ATP8A2: variants seen among roughly 807,000 people sequenced by gnomAD.
The protein encoded by ATP8A2 is phospholipid-transporting ATPase IB.
A neutral mutation model predicts 165.6 loss-of-function variants in ATP8A2; 100 were observed. The observed-to-expected ratio is 0.60, with a 90% CI of 0.51 to 0.71. ATP8A2 has a LOEUF of 0.71. Among genes scored for constraint, ATP8A2 ranks in the 30% least tolerant of loss-of-function variants. The pLI, the probability that ATP8A2 is intolerant of heterozygous loss-of-function variation, is 0.00. For synonymous variants in ATP8A2, 543 were observed against 548.8 expected (o/e 0.99, Z 0.15); for missense variants, 1,227 against 1,479.5 (o/e 0.83, Z 2.80).
intron 24 of ATP8A2, among the ~76,000 whole-genome samples, chr13:25,634,156 T>C (rs1011493706): frequency 6.6e-6 from 1 of 152,282 alleles, no homozygotes; most frequent in African/African-American, 2.4e-5. Flanking sequence ...TCAGTCAAGC[T>C]TGACACAGAC....
chr13:25,389,877 A>G (rs1306770055), intron 1 of ATP8A2, among the ~76,000 whole-genome samples: 1 of 152,272 alleles, frequency 6.6e-6, no homozygotes, highest in Non-Finnish European at 1.5e-5. Flanking sequence ...CTCACAAGGC[A>G]TAATTAATTG....
chr13:25,995,311 A>T (rs1265826931), intron 35 of ATP8A2, among the ~76,000 whole-genome samples: 1 of 150,808 alleles, frequency 6.6e-6, no homozygotes, highest in Non-Finnish European at 1.5e-5. Flanking sequence ...CTCTGTTTTT[A>T]ACCTATCAGT....
intron 10 of ATP8A2, among the ~76,000 whole-genome samples, chr13:25,546,138 A>C (rs1294988308): frequency 6.6e-6 from 1 of 152,186 alleles, no homozygotes; most frequent in African/African-American, 2.4e-5. Flanking sequence ...TTTGCTCTAG[A>C]AAACCAATAT....
chr13:25,980,196 C>T (rs1002002495), intron 35 of ATP8A2, among the ~76,000 whole-genome samples: 5 of 152,148 alleles, frequency 3.3e-5, no homozygotes, highest in African/African-American at 4.8e-5. Flanking sequence ...CACTGTGGAA[C>T]GCAGGTCTTA....
intron 11 of ATP8A2, 86 bp from the exon 12 acceptor site, chr13:25,553,707 C>T: frequency 7.2e-7 from 1 of 1,383,478 alleles, no homozygotes; most frequent in Non-Finnish European, 1.0e-6. Flanking sequence ...AGGAGGTGCT[C>T]AATAACTATT....
chr13:25,856,522 C>T (rs1952170949), intron 30 of ATP8A2, among the ~76,000 whole-genome samples: 1 of 152,106 alleles, frequency 6.6e-6, no homozygotes, highest in South Asian at 2.1e-4. Flanking sequence ...GCACTTGCAC[C>T]CCTTAAATTT....
At chr13:25,751,670 A>G (rs1406625144) in intron 25 of ATP8A2, among the ~76,000 whole-genome samples, 1 of 152,100 alleles carries the variant, frequency 6.6e-6, no homozygotes, top group Non-Finnish European at 1.5e-5. Flanking sequence ...TTTTGGGCTC[A>G]AGCAGTCCTC....
chr13:25,938,973 G>A (rs1250468427), intron 33 of ATP8A2, among the ~76,000 whole-genome samples: 6 of 151,970 alleles, frequency 3.9e-5, no homozygotes, highest in Non-Finnish European at 2.9e-5. Flanking sequence ...CTCCCTAGTA[G>A]CTGGGATTGC....
chr13:25,592,490 A>C (rs2138314687), intron 24 of ATP8A2, among the ~76,000 whole-genome samples: 1 of 152,368 alleles, frequency 6.6e-6, no homozygotes, highest in African/African-American at 2.4e-5. Context: ...ACTAAGAAGT[A>C]GAAAATGAGT....
At chr13:25,946,836 C>T (rs1955227372) in intron 33 of ATP8A2, among the ~76,000 whole-genome samples, 1 of 152,174 alleles carries the variant, frequency 6.6e-6, no homozygotes, top group Non-Finnish European at 1.5e-5. Flanking sequence ...CAATCTCTGC[C>T]TCCTGGGTTG....
At chr13:25,488,694 T>C (rs1187448835) in intron 2 of ATP8A2, among the ~76,000 whole-genome samples, 1 of 152,130 alleles carries the variant, frequency 6.6e-6, no homozygotes, top group Non-Finnish European at 1.5e-5. Flanking sequence ...ATCAGAGCCA[T>C]ACCTGTCTCA....
chr13:25,805,630 T>C (rs974743864), intron 27 of ATP8A2, among the ~76,000 whole-genome samples: 1 of 152,234 alleles, frequency 6.6e-6, no homozygotes, highest in South Asian at 2.1e-4. Flanking sequence ...CTCTACATGC[T>C]TGAAATTTAA....
chr13:25,892,923 G>A (rs1332401542), intron 33 of ATP8A2, among the ~76,000 whole-genome samples: 2 of 152,018 alleles, frequency 1.3e-5, no homozygotes, highest in Non-Finnish European at 2.9e-5. Context: ...GTGTTAAGTG[G>A]TTGGTAATAT....
At chr13:25,581,018 G>C (rs1335274158) in intron 22 of ATP8A2, among the ~76,000 whole-genome samples, 1 of 152,022 alleles carries the variant, frequency 6.6e-6, no homozygotes, top group Non-Finnish European at 1.5e-5. Flanking sequence ...TCTGAATTCA[G>C]GTGTTTATTT....
At chr13:25,952,974 A>G (rs956392130) in intron 33 of ATP8A2, among the ~76,000 whole-genome samples, 2 of 152,212 alleles carry the variant, frequency 1.3e-5, no homozygotes, top group Non-Finnish European at 2.9e-5. Context: ...AACAATACAA[A>G]GAAGCTCCCT....
intron 30 of ATP8A2, among the ~76,000 whole-genome samples, chr13:25,846,865 A>G (rs1951878911): frequency 1.3e-5 from 2 of 152,188 alleles, no homozygotes; most frequent in South Asian, 4.1e-4. Flanking sequence ...TGGTTGCACA[A>G]TGTCCTAAAC....
chr13:26,015,887 C>A (rs1956959880), intron 36 of ATP8A2, among the ~76,000 whole-genome samples: 1 of 152,178 alleles, frequency 6.6e-6, no homozygotes, highest in African/African-American at 2.4e-5. Flanking sequence ...TTCCTCCGAG[C>A]TCCCCGTTTG....
chr13:25,382,867 T>C (rs538785694), intron 1 of ATP8A2, among the ~76,000 whole-genome samples: 2 of 151,878 alleles, frequency 1.3e-5, no homozygotes, highest in African/African-American at 4.8e-5. Flanking sequence ...GCCATTCTCC[T>C]GCCTCAGCCT....
intron 33 of ATP8A2, among the ~76,000 whole-genome samples, chr13:25,932,916 G>A (rs1457660509): frequency 5.9e-5 from 9 of 152,044 alleles, no homozygotes; most frequent in Non-Finnish European, 1.5e-5. Context: ...GCGTGATCTC[G>A]GCTCACTGCA....
Sources: allele counts gnomAD v4.1 joint callset (sites outside exome capture counted in the v4.1 genomes callset), GRCh38; gene constraint gnomAD v4.1.1; transcripts MANE v1.5; gene names NCBI Gene and HGNC (gene_info 2026-07-23, HGNC 2026-07-21).